HACD3: variants seen among roughly 807,000 people sequenced by gnomAD.
HACD3 encodes 3-hydroxyacyl-CoA dehydratase 3.
HACD3 carries 30 observed loss-of-function variants against 55.2 expected under a neutral mutation model. That is an observed-to-expected ratio of 0.54 (90% CI 0.41 to 0.74). HACD3 has a LOEUF of 0.74. HACD3 is among the 30% of genes least tolerant of loss of function. The pLI is 0.00. For synonymous variants in HACD3, 141 were observed against 151.7 expected (o/e 0.93, Z 0.52); for missense variants, 363 against 440.1 (o/e 0.82, Z 1.57).
chr15:65,531,522 GA>G, intron 1 of HACD3: 1 of 151,862 alleles, frequency 6.6e-6, no homozygotes, highest in Non-Finnish European at 1.5e-5. Context: ...TGAGAAACTG[GA>G]ATTTTCATTC....
At position 65,577,957 on chromosome 15, in the gene HACD3, A is replaced by G. The variant is rs1470845214; in HGVS notation, c.*1578A>G. ...TAAGTGTTGGAGTAACACTTGCATAAAAGAATTTAAGGAGTGATAGCTCTT... is the reference window on the plus strand; with the variant it reads ...TAAGTGTTGGAGTAACACTTGCATAGAAGAATTTAAGGAGTGATAGCTCTT... On this transcript the variant is annotated 3_prime_UTR_variant, in exon 11 of 11. Coordinates refer to ENST00000261875, the MANE Select transcript of HACD3 (RefSeq NM_016395.4). 6.6e-6 allele frequency: 1 copy of G among 152,608 alleles called. No individual in the cohort carries two copies. Among genetic ancestry groups the G allele is most frequent in the Admixed American group, 6.5e-5 (1 of 15,270 alleles). The allele number at this position is 152,608 out of a possible 1,614,324, so 9.5% of individuals were successfully genotyped here. A position where few individuals can be genotyped will look rare whatever the true frequency, so the allele number is the denominator to read the frequency against.
At chr15:65,548,558 C>T (rs926693186) in intron 1 of HACD3, among the ~76,000 whole-genome samples, 1 of 149,260 alleles carries the variant, frequency 6.7e-6, no homozygotes, top group Non-Finnish European at 1.5e-5. Context: ...TGAAAATTTT[C>T]GTATTCCCTT....
intron 10 of HACD3, among the ~76,000 whole-genome samples, chr15:65,575,090 T>G (rs554686433): frequency 2.6e-4 from 39 of 152,356 alleles, no homozygotes; most frequent in African/African-American, 9.4e-4. Flanking sequence ...GCTCTTTTCT[T>G]ATTCTTTAGA....
At chr15:65,538,983 A>G (rs577766064) in intron 1 of HACD3, among the ~76,000 whole-genome samples, 6 of 152,334 alleles carry the variant, frequency 3.9e-5, no homozygotes, top group Admixed American at 2.6e-4. Context: ...TTAATAGACT[A>G]TAGTATAATA....
At chr15:65,562,572 A>G (rs989586007) in intron 5 of HACD3, among the ~76,000 whole-genome samples, 12 of 152,208 alleles carry the variant, frequency 7.9e-5, no homozygotes, top group African/African-American at 2.4e-4. Context: ...CTGAAAATAC[A>G]TGCTGGAGAG....
rs936603958 is a variant in HACD3, at chr15:65,577,477, G to C, written c.*1098G>C. On this transcript the variant is annotated 3_prime_UTR_variant, in exon 11 of 11. Coordinates refer to ENST00000261875, the MANE Select transcript of HACD3 (RefSeq NM_016395.4). ...CACACATACACACACACACACACGA[G>C]GTCCAAATGGTAGCAGGGATCCAAA... The C allele has an allele frequency of 6.7e-6, 1 of 150,326 alleles. No individual in the cohort carries two copies. Among genetic ancestry groups the C allele is most frequent in the African/African-American group, 2.5e-5 (1 of 39,436 alleles). 9.3% of individuals were successfully genotyped at this position (150,326 alleles called of 1,614,324 possible).
intron 1 of HACD3, among the ~76,000 whole-genome samples, chr15:65,538,730 A>G (rs1567330891): frequency 6.6e-6 from 1 of 152,242 alleles, no homozygotes; most frequent in Non-Finnish European, 1.5e-5. Flanking sequence ...TCTTTAGTGA[A>G]GGAAAGACTC....
intron 7 of HACD3, among the ~76,000 whole-genome samples, chr15:65,568,953 A>G (rs1012758490): frequency 3.4e-4 from 52 of 152,158 alleles, no homozygotes; most frequent in African/African-American, 1.2e-3. Flanking sequence ...ATGCATCAAC[A>G]TAGATGAGTC....
intron 1 of HACD3, among the ~76,000 whole-genome samples, chr15:65,540,415 G>A (rs1050995374): frequency 6.6e-6 from 1 of 152,206 alleles, no homozygotes; most frequent in East Asian, 1.9e-4. Context: ...ATGAAATAGA[G>A]AATAATTGGT....
At chr15:65,572,620 T>C (rs1452250367) in intron 10 of HACD3, among the ~76,000 whole-genome samples, 5 of 152,144 alleles carry the variant, frequency 3.3e-5, no homozygotes, top group African/African-American at 7.2e-5. Context: ...ATTTCTTGTT[T>C]AAAACAATGT....
chr15:65,551,551 G>A, intron 1 of HACD3, 125 bp from the exon 2 acceptor site: 1 of 1,000,638 alleles, frequency 1.0e-6, no homozygotes, highest in Non-Finnish European at 1.6e-6. Context: ...ATATATTTCT[G>A]GGGGAGGCAC....
At position 65,547,140 on chromosome 15, in the gene HACD3, G is replaced by A. The variant is rs187768582; in HGVS notation, c.88-4536G>A. Among the ~76,000 whole-genome samples, 297 of 150,902 alleles carry A rather than the reference G, an allele frequency of 2.0e-3. 1 individual carries two copies. Among genetic ancestry groups the A allele is most frequent in the African/African-American group, 6.9e-3 (282 of 41,096 alleles). Reference sequence around the variant, plus strand: ...CCAGGATTTTTTTTTTTTTTGAGACGGAGTCTCACTCTGTCACCGAGGCTG... The same window carrying A: ...CCAGGATTTTTTTTTTTTTTGAGACAGAGTCTCACTCTGTCACCGAGGCTG... On this transcript the variant is annotated intron_variant, in intron 1 of 10. Transcript: ENST00000261875.
intron 7 of HACD3, among the ~76,000 whole-genome samples, chr15:65,568,242 T>C (rs775704579): frequency 1.3e-4 from 20 of 151,880 alleles, no homozygotes; most frequent in Non-Finnish European, 2.9e-4. Flanking sequence ...GTTTCTATTT[T>C]ACAAGATGAA....
chr15:65,534,188 T>C (rs1821278447), intron 1 of HACD3, among the ~76,000 whole-genome samples: 1 of 152,246 alleles, frequency 6.6e-6, no homozygotes, highest in African/African-American at 2.4e-5. Context: ...TGGACAGCAC[T>C]TTAACACTCT....
intron 2 of HACD3, chr15:65,552,941 T>C (rs2072149824): frequency 6.8e-6 from 1 of 147,280 alleles, no homozygotes; most frequent in African/African-American, 2.5e-5. Flanking sequence ...GAATATGCGG[T>C]GTTTGGTTTT....
intron 10 of HACD3, among the ~76,000 whole-genome samples, chr15:65,572,926 A>C (rs200154954): frequency 6.9e-6 from 1 of 145,920 alleles, no homozygotes; most frequent in Admixed American, 6.7e-5. Flanking sequence ...AAAAAAAAAA[A>C]AAAATAAATA....
chr15:65,576,350 T>C lies in HACD3; in HGVS notation c.1060T>C (p.Tyr354His). The C allele has an allele frequency of 6.2e-7, 1 of 1,602,820 alleles. No homozygotes were observed. Among genetic ancestry groups the C allele is most frequent in the Non-Finnish European group, 8.5e-7 (1 of 1,174,490 alleles). The change falls in exon 11 of 11, where the codon TAT (tyrosine) becomes CAT (histidine). Residue 354 changes from tyrosine (Y) to histidine (H), a missense_variant. By Grantham distance (83) the Tyr-to-His change is moderately conservative (BLOSUM62 2). Coordinates refer to ENST00000261875, the MANE Select transcript of HACD3 (RefSeq NM_016395.4). ...RHLYKQRRRR[Y>H]GQKKKKIH ...CCTTTATAAACAGCGCAGACGGCGC[T>C]ATGGACAAAAAAAGAAAAAGATCCA...
At chr15:65,543,191 A>C (rs926747600) in intron 1 of HACD3, among the ~76,000 whole-genome samples, 5 of 152,168 alleles carry the variant, frequency 3.3e-5, no homozygotes, top group Non-Finnish European at 5.9e-5. Context: ...CAATACACAT[A>C]ATATTTGAAC....
At chr15:65,532,572 C>T (rs1265171652) in intron 1 of HACD3, among the ~76,000 whole-genome samples, 1 of 147,574 alleles carries the variant, frequency 6.8e-6, no homozygotes, top group Non-Finnish European at 1.5e-5. Context: ...GCGGAGGTTG[C>T]GGTGAGCTGA....
Sources: allele counts gnomAD v4.1 joint callset (sites outside exome capture counted in the v4.1 genomes callset), GRCh38; gene constraint gnomAD v4.1.1; transcripts MANE v1.5; gene names NCBI Gene and HGNC (gene_info 2026-07-23, HGNC 2026-07-21).